The following CLMP variants were observed in gnomAD, a reference collection of about 807,000 sequenced individuals.
The protein encoded by CLMP is CXADR-like membrane protein.
CLMP carries 27 observed loss-of-function variants against 45.2 expected under a neutral mutation model. The observed-to-expected ratio is 0.60, with a 90% CI of 0.44 to 0.82. The LOEUF is 0.82. CLMP is among the 40% of genes least tolerant of loss of function. The pLI is 0.00. For synonymous variants in CLMP, 167 were observed against 171.4 expected (o/e 0.97, Z 0.20); for missense variants, 403 against 448.4 (o/e 0.90, Z 0.91).
chr11:123,189,112 G>C (rs576822049), intron 1 of CLMP, among the ~76,000 whole-genome samples: 1 of 152,366 alleles, frequency 6.6e-6, no homozygotes, highest in South Asian at 2.1e-4. Context: ...GTAGTTCTCA[G>C]TTATAAACAA....
intron 1 of CLMP, among the ~76,000 whole-genome samples, chr11:123,102,356 G>A (rs892726522): frequency 4.3e-5 from 6 of 140,136 alleles, no homozygotes; most frequent in African/African-American, 1.6e-4. Context: ...TCTTGGCTCA[G>A]TGCAACCTCC....
intron 1 of CLMP, among the ~76,000 whole-genome samples, chr11:123,129,062 C>T (rs1269828647): frequency 6.6e-6 from 1 of 152,124 alleles, no homozygotes; most frequent in African/African-American, 2.4e-5. Context: ...GTAGCTCATA[C>T]CTGTAATCCC....
chr11:123,127,140 G>C lies in CLMP; in HGVS notation c.29-29188C>G, dbSNP rs770878974. ...TTTTTCTTTTCTTTCTTGTTTTTTT[G>C]AGACAGAGTCTCTCTCTGTCACCCA... On this transcript the variant is annotated intron_variant, in intron 1 of 6. Coordinates refer to ENST00000448775, the MANE Select transcript of CLMP (RefSeq NM_024769.5). Among the ~76,000 whole-genome samples, 242 of 145,328 alleles carry C rather than the reference G, an allele frequency of 1.7e-3. 5 individuals carry two copies. Among genetic ancestry groups the C allele is most frequent in the Non-Finnish European group, 2.4e-4 (16 of 66,240 alleles).
At chr11:123,180,331 T>C (rs1001955850) in intron 1 of CLMP, among the ~76,000 whole-genome samples, 10 of 152,122 alleles carry the variant, frequency 6.6e-5, no homozygotes, top group Non-Finnish European at 1.5e-4. Flanking sequence ...AAGGTGCTGG[T>C]ATTTGGAGGT....
rs372160546 is a variant in CLMP, at chr11:123,194,989, C to T, written c.-49G>A. On this transcript the variant is annotated 5_prime_UTR_variant, in exon 1 of 7. Transcript: ENST00000448775. ...TCCCCGCTCAGCTGCTGCTTGGCTC[C>T]GGGGCGGCCGGGCGCCTCCGACGGA... The T allele has an allele frequency of 1.6e-5, 25 of 1,586,234 alleles. No individual in the cohort carries two copies. Among genetic ancestry groups the T allele is most frequent in the Non-Finnish European group, 2.1e-5 (25 of 1,166,590 alleles).
Position 123,194,990 on chromosome 11 carries a change from G to C in CLMP, c.-50C>G, listed in dbSNP as rs752361020. 5.7e-6 allele frequency: 9 copies of C among 1,585,104 alleles called. No homozygotes were observed. The highest frequency in any genetic ancestry group is 4.5e-5 in the South Asian group (4 of 88,662). On this transcript the variant is annotated 5_prime_UTR_variant, in exon 1 of 7. Transcript: ENST00000448775. Reference sequence around the variant, plus strand: ...CCCCGCTCAGCTGCTGCTTGGCTCCGGGGCGGCCGGGCGCCTCCGACGGAC... The same window carrying C: ...CCCCGCTCAGCTGCTGCTTGGCTCCCGGGCGGCCGGGCGCCTCCGACGGAC...
intron 1 of CLMP, among the ~76,000 whole-genome samples, chr11:123,109,878 C>G (rs1860614605): frequency 6.6e-6 from 1 of 152,084 alleles, no homozygotes; most frequent in African/African-American, 2.4e-5. Context: ...ATGCTGAAAA[C>G]TGGGAAGGAC....
chr11:123,143,534 A>C (rs1050825158), intron 1 of CLMP, among the ~76,000 whole-genome samples: 2 of 151,956 alleles, frequency 1.3e-5, no homozygotes, highest in Admixed American at 6.6e-5. Flanking sequence ...GGGGGGCATG[A>C]GACAGGGAAC....
At chr11:123,078,653 T>G (rs950133713) in intron 5 of CLMP, among the ~76,000 whole-genome samples, 5 of 150,252 alleles carry the variant, frequency 3.3e-5, no homozygotes, top group African/African-American at 7.3e-5. Flanking sequence ...TTTTTGTTTT[T>G]TTTTTTTTTG....
chr11:123,160,574 T>A (rs1861472870), intron 1 of CLMP, among the ~76,000 whole-genome samples: 1 of 152,160 alleles, frequency 6.6e-6, no homozygotes, highest in Admixed American at 6.5e-5. Context: ...TAGAGACAAG[T>A]CTCTGATTGA....
rs1365133863 is a variant in CLMP at position 123,150,504 on chromosome 11, G to A, written c.28+44409C>T. On this transcript the variant is annotated intron_variant, in intron 1 of 6. Coordinates refer to ENST00000448775, the MANE Select transcript of CLMP (RefSeq NM_024769.5). ...GAAAGGAAGGAAGGAAGGAAGGAAG[G>A]AAGGAAGGAAGGAAGGAAGGAAGGA... Among the ~76,000 whole-genome samples the A allele has an allele frequency of 1.2e-3, 135 of 116,490 alleles. 1 individual carries two copies. The highest frequency in any genetic ancestry group is 2.8e-3 in the African/African-American group (82 of 28,972). 76.4% of individuals were successfully genotyped at this position (116,490 alleles called of 152,430 possible). A position where few individuals can be genotyped will look rare whatever the true frequency, so the allele number is the denominator to read the frequency against.
intron 1 of CLMP, among the ~76,000 whole-genome samples, chr11:123,141,173 C>CTTTTTTTTTTTTTT (rs550888215): frequency 4.9e-5 from 4 of 80,808 alleles, no homozygotes; most frequent in Non-Finnish European, 8.9e-5. Context: ...TCAGGCATTC[C>CTTTTTTTTTTTTTT]TTTTTTTTTT....
At chr11:123,177,366 A>C (rs1360738501) in intron 1 of CLMP, among the ~76,000 whole-genome samples, 2 of 152,152 alleles carry the variant, frequency 1.3e-5, no homozygotes, top group Admixed American at 1.3e-4. Flanking sequence ...TCTCCTGAGC[A>C]TCTTCTTGGA....
chr11:123,129,219 A>T (rs1309869536), intron 1 of CLMP, among the ~76,000 whole-genome samples: 2 of 151,510 alleles, frequency 1.3e-5, no homozygotes, highest in Non-Finnish European at 2.9e-5. Flanking sequence ...AATCCCAGCT[A>T]CTCAGGAGGC....
chr11:123,144,164 C>T (rs1265447203), intron 1 of CLMP, among the ~76,000 whole-genome samples: 1 of 152,008 alleles, frequency 6.6e-6, no homozygotes, highest in Non-Finnish European at 1.5e-5. Flanking sequence ...GCTGGAACTC[C>T]TAACCCACAG....
At chr11:123,165,220 T>G (rs1043560572) in intron 1 of CLMP, among the ~76,000 whole-genome samples, 15 of 152,112 alleles carry the variant, frequency 9.9e-5, no homozygotes, top group African/African-American at 3.6e-4. Flanking sequence ...GAGGGAGTGT[T>G]CCAAACACGT....
At position 123,089,531 on chromosome 11, in the gene CLMP, C is replaced by A. The variant is rs545874779; in HGVS notation, c.187-4818G>T. 7.9e-5 allele frequency among the ~76,000 whole-genome samples: 12 copies of A among 151,846 alleles called. No individual in the cohort carries two copies. The East Asian group carries it at 2.3e-3, about 30-fold the overall frequency. On this transcript the variant is annotated intron_variant, in intron 2 of 6. Coordinates refer to ENST00000448775, the MANE Select transcript of CLMP (RefSeq NM_024769.5). The stretch of plus-strand genomic sequence containing the variant: ...CTGTAATCCCAGCACTTTGGGAGGC[C>A]GAGGCGGGCGGATCACAAGGTCAGG...
intron 5 of CLMP, among the ~76,000 whole-genome samples, chr11:123,079,457 T>C (rs35542953): frequency 6.6e-6 from 1 of 152,054 alleles, no homozygotes; most frequent in East Asian, 1.9e-4. Context: ...TTTTGTTTTG[T>C]TTTGTTTTGT....
chr11:123,188,622 G>A (rs1861864056), intron 1 of CLMP, among the ~76,000 whole-genome samples: 1 of 152,244 alleles, frequency 6.6e-6, no homozygotes, highest in Admixed American at 6.5e-5. Flanking sequence ...TGGGCACAAA[G>A]GAAACAGCTT....
Sources: allele counts gnomAD v4.1 joint callset (sites outside exome capture counted in the v4.1 genomes callset), GRCh38; gene constraint gnomAD v4.1.1; transcripts MANE v1.5; gene names NCBI Gene and HGNC (gene_info 2026-07-23, HGNC 2026-07-21).